The following PTPRG variants were observed in gnomAD, a reference collection of about 807,000 sequenced individuals.
PTPRG encodes receptor-type tyrosine-protein phosphatase gamma.
In PTPRG, 102 loss-of-function variants were observed where a neutral mutation model predicts 165.3. The ratio of observed to expected loss-of-function variants is 0.62; its 90% confidence interval spans 0.53 to 0.73. The LOEUF is 0.73. Ranked by LOEUF, PTPRG falls within the 30% of genes least tolerant of loss-of-function variation. The pLI, the probability that PTPRG is intolerant of heterozygous loss-of-function variation, is 0.00. For missense variants in PTPRG, 1,866 were observed against 1,861.4 expected (o/e 1.00, Z -0.05); for synonymous variants, 675 against 669.5 (o/e 1.01, Z -0.13).
intron 2 of PTPRG, among the ~76,000 whole-genome samples, chr3:61,887,166 A>ATTTT (rs1559670266): frequency 2.0e-5 from 2 of 99,294 alleles, no homozygotes; most frequent in African/African-American, 7.0e-5. Flanking sequence ...ATATATATAT[A>ATTTT]TATATTTTTA....
intron 4 of PTPRG, among the ~76,000 whole-genome samples, chr3:62,020,140 T>C (rs1673635205): frequency 6.6e-6 from 1 of 152,194 alleles, no homozygotes; most frequent in Non-Finnish European, 1.5e-5. Flanking sequence ...TAGGGGGAGA[T>C]GAAAACATAG....
chr3:61,847,361 G>C (rs1173387514), intron 2 of PTPRG, among the ~76,000 whole-genome samples: 1 of 152,142 alleles, frequency 6.6e-6, no homozygotes, highest in Admixed American at 6.5e-5. Context: ...GCATGGAGTA[G>C]ATCTTCCCCT....
intron 28 of PTPRG, among the ~76,000 whole-genome samples, chr3:62,291,983 T>C (rs183812033): frequency 5.3e-5 from 8 of 152,324 alleles, no homozygotes; most frequent in Admixed American, 5.2e-4. Context: ...TTTTAAATTT[T>C]TCATATTCTG....
chr3:62,026,879 T>TAAAAAAAAAAAAAAAAAAAAAAA lies in PTPRG; in HGVS notation c.519+23397_519+23398insAAAAAAAAAAAAAAAAAAAAAAA, dbSNP rs200417191. 6.2e-4 allele frequency among the ~76,000 whole-genome samples: 59 copies of TAAAAAAAAAAAAAAAAAAAAAAA among 94,634 alleles called. 2 individuals are homozygous for TAAAAAAAAAAAAAAAAAAAAAAA. The highest frequency in any genetic ancestry group is 2.7e-3 in the East Asian group (9 of 3,338). The allele number at this position is 94,634 out of a possible 152,430, so 62.1% of individuals were successfully genotyped here. On this transcript the variant is annotated intron_variant, in intron 4 of 29. Transcript: ENST00000474889. ...CCAGCCTGGGAAACCGAGTGAGAAT[T>TAAAAAAAAAAAAAAAAAAAAAAA]AAAAAAAAAAAAAAAGATATAAGAA...
chr3:61,854,289 C>T (rs1201806802), intron 2 of PTPRG, among the ~76,000 whole-genome samples: 4 of 152,096 alleles, frequency 2.6e-5, no homozygotes, highest in Non-Finnish European at 4.4e-5. Flanking sequence ...AAACCAGTGC[C>T]CTGAGTTTTC....
At chr3:62,244,622 C>T (rs1229044940) in intron 15 of PTPRG, among the ~76,000 whole-genome samples, 1 of 152,148 alleles carries the variant, frequency 6.6e-6, no homozygotes, top group East Asian at 1.9e-4. Flanking sequence ...ACAGAAGCAT[C>T]ACTTTGATTA....
chr3:61,661,584 T>A (rs961681886), intron 1 of PTPRG, among the ~76,000 whole-genome samples: 1 of 152,238 alleles, frequency 6.6e-6, no homozygotes, highest in African/African-American at 2.4e-5. Flanking sequence ...CAAAAAACAC[T>A]AGAAATTAAA....
At chr3:61,739,580 C>T (rs1289657226) in intron 1 of PTPRG, among the ~76,000 whole-genome samples, 2 of 152,178 alleles carry the variant, frequency 1.3e-5, no homozygotes, top group African/African-American at 4.8e-5. Flanking sequence ...ATATCTGGTT[C>T]AGACCTATGT....
intron 2 of PTPRG, among the ~76,000 whole-genome samples, chr3:61,950,254 C>G (rs116805582): frequency 6.6e-6 from 1 of 152,212 alleles, no homozygotes; most frequent in Non-Finnish European, 1.5e-5. Flanking sequence ...CCCCATCTGA[C>G]TTTCTGCCAT....
intron 2 of PTPRG, among the ~76,000 whole-genome samples, chr3:61,966,954 G>T (rs1023141951): frequency 5.3e-5 from 8 of 152,158 alleles, no homozygotes; most frequent in African/African-American, 1.9e-4. Context: ...ACTTAAAGTT[G>T]GGCTTGTGAG....
At chr3:62,248,766 G>C (rs905513072) in intron 15 of PTPRG, among the ~76,000 whole-genome samples, 4 of 152,078 alleles carry the variant, frequency 2.6e-5, no homozygotes, top group Non-Finnish European at 4.4e-5. Context: ...CTTTTCTCTG[G>C]AAATTAGAAA....
At chr3:62,145,573 G>T (rs974003919) in intron 6 of PTPRG, among the ~76,000 whole-genome samples, 1 of 152,174 alleles carries the variant, frequency 6.6e-6, no homozygotes, top group Non-Finnish European at 1.5e-5. Flanking sequence ...TGACGAAGAT[G>T]ATTTGGGTAG....
intron 6 of PTPRG, among the ~76,000 whole-genome samples, chr3:62,137,971 G>T (rs1703776031): frequency 1.3e-5 from 2 of 152,180 alleles, no homozygotes; most frequent in Admixed American, 6.5e-5. Context: ...TCATATAGTT[G>T]TAAGAGGATC....
At chr3:61,595,918 C>G (rs1209286479) in intron 1 of PTPRG, among the ~76,000 whole-genome samples, 2 of 152,066 alleles carry the variant, frequency 1.3e-5, no homozygotes, top group African/African-American at 4.8e-5. Context: ...GTTTTTTTAG[C>G]AAGTCTTGGA....
intron 2 of PTPRG, among the ~76,000 whole-genome samples, chr3:61,831,595 ATC>A (rs34390208): frequency 0.24 from 36,542 of 152,008 alleles, 4,556 homozygotes; most frequent in East Asian, 0.29. Flanking sequence ...TCCATCTGGT[ATC>A]TTCTTACTTT....
At chr3:61,702,840 A>T (rs2031047955) in intron 1 of PTPRG, among the ~76,000 whole-genome samples, 1 of 152,206 alleles carries the variant, frequency 6.6e-6, no homozygotes, top group Non-Finnish European at 1.5e-5. Context: ...TTAGTTATTG[A>T]TTATACAACT....
chr3:61,703,986 C>G (rs1309472952), intron 1 of PTPRG, among the ~76,000 whole-genome samples: 1 of 152,182 alleles, frequency 6.6e-6, no homozygotes, highest in African/African-American at 2.4e-5. Flanking sequence ...TGTGGACTGC[C>G]ACTCTGGGCA....
intron 4 of PTPRG, among the ~76,000 whole-genome samples, chr3:62,015,514 AT>A (rs1177470104): frequency 6.6e-6 from 1 of 151,812 alleles, no homozygotes; most frequent in African/African-American, 2.4e-5. Context: ...AACAAAAAAA[AT>A]TTTTTTTTAC....
intron 2 of PTPRG, among the ~76,000 whole-genome samples, chr3:61,756,178 T>C (rs552675449): frequency 2.6e-5 from 4 of 152,336 alleles, no homozygotes; most frequent in Non-Finnish European, 4.4e-5. Flanking sequence ...AGATGTGTTA[T>C]AGTGTTTTGT....
Sources: allele counts gnomAD v4.1 joint callset (sites outside exome capture counted in the v4.1 genomes callset), GRCh38; gene constraint gnomAD v4.1.1; transcripts MANE v1.5; gene names NCBI Gene and HGNC (gene_info 2026-07-23, HGNC 2026-07-21).